MTUS1: variants seen among roughly 807,000 people sequenced by gnomAD.
MTUS1 encodes microtubule-associated tumor suppressor 1.
In MTUS1, 109 loss-of-function variants were observed where a neutral mutation model predicts 120.8. The ratio of observed to expected loss-of-function variants is 0.90; its 90% confidence interval spans 0.77 to 1.06. The LOEUF (loss-of-function observed/expected upper bound fraction) is 1.06. Ranked by LOEUF, MTUS1 falls within the 50% of genes least tolerant of loss-of-function variation. The probability of loss-of-function intolerance (pLI) is 0.00; values close to 1 mark genes in which losing one functional copy is unlikely to be tolerated. For missense variants in MTUS1, 2,210 were observed against 1,486.3 expected (o/e 1.49, Z -8.01); for synonymous variants, 737 against 550.5 (o/e 1.34, Z -4.74).
chr8:17,666,692 G>A (rs187364447), intron 8 of MTUS1, among the ~76,000 whole-genome samples: 95 of 152,226 alleles, frequency 6.2e-4, no homozygotes, highest in Non-Finnish European at 1.3e-3. Flanking sequence ...AAGAAAAACT[G>A]GTCTCCTGTT....
chr8:17,647,760 C>A (rs1279480623), intron 13 of MTUS1, among the ~76,000 whole-genome samples: 1 of 152,162 alleles, frequency 6.6e-6, no homozygotes, highest in East Asian at 1.9e-4. Context: ...GGATAAGATG[C>A]CTGAGGACAT....
At chr8:17,748,537 C>T (rs534553631) in intron 2 of MTUS1, among the ~76,000 whole-genome samples, 5 of 152,294 alleles carry the variant, frequency 3.3e-5, no homozygotes, top group African/African-American at 1.2e-4. Context: ...GCTGATGACA[C>T]ACCGGTGTCC....
intron 13 of MTUS1, among the ~76,000 whole-genome samples, chr8:17,648,968 C>T (rs1006974826): frequency 6.6e-5 from 10 of 152,254 alleles, no homozygotes; most frequent in Non-Finnish European, 1.3e-4. Flanking sequence ...CCAAGACTGA[C>T]GCTGAACACT....
intron 1 of MTUS1, among the ~76,000 whole-genome samples, chr8:17,757,907 G>C (rs1367544178): frequency 1.3e-5 from 2 of 152,170 alleles, no homozygotes; most frequent in African/African-American, 4.8e-5. Context: ...TTCAAGCTAG[G>C]ACTGCAAACA....
chr8:17,793,145 G>C (rs572108086), intron 1 of MTUS1, among the ~76,000 whole-genome samples: 2 of 152,190 alleles, frequency 1.3e-5, no homozygotes, highest in Non-Finnish European at 2.9e-5. Flanking sequence ...TTGTCTGCAC[G>C]AATAGGGAAT....
chr8:17,665,068 T>C (rs998103571), intron 8 of MTUS1, among the ~76,000 whole-genome samples: 10 of 152,234 alleles, frequency 6.6e-5, no homozygotes, highest in African/African-American at 1.7e-4. Context: ...GTTACTCTTA[T>C]GCTTTGTAGA....
chr8:17,691,139 C>T (rs1816862711), intron 6 of MTUS1, among the ~76,000 whole-genome samples: 1 of 152,166 alleles, frequency 6.6e-6, no homozygotes, highest in South Asian at 2.1e-4. Context: ...ATTCTGAATG[C>T]AACTCTAAAC....
intron 8 of MTUS1, among the ~76,000 whole-genome samples, chr8:17,673,386 T>C (rs1812418070): frequency 6.6e-6 from 1 of 152,168 alleles, no homozygotes; most frequent in Non-Finnish European, 1.5e-5. Flanking sequence ...CTTGGCTAGG[T>C]ATTAAGAATC....
chr8:17,649,885 C>T lies in MTUS1; in HGVS notation c.3462G>A (p.Leu1154=), dbSNP rs777144560. 6.2e-7 allele frequency: 1 copy of T among 1,607,948 alleles called. No individual in the cohort carries two copies. The highest frequency in any genetic ancestry group is 1.1e-5 in the South Asian group (1 of 90,936). Residue 1154 remains leucine (L), a synonymous_variant, in exon 13 of 15, where the codon CTG becomes CTA. Coordinates refer to ENST00000693296, the MANE Select transcript of MTUS1 (RefSeq NM_001363059.2). ...KAVLEIKNEK[L]HQQDIKLMKM... ...TCATTAACTTGATGTCCTGTTGATGCAGTTTCTCATTCTTGATCTCTAACA... is the reference window on the plus strand; with the variant it reads ...TCATTAACTTGATGTCCTGTTGATGTAGTTTCTCATTCTTGATCTCTAACA...
chr8:17,709,138 A>G (rs1001229402), intron 6 of MTUS1, among the ~76,000 whole-genome samples: 42 of 149,150 alleles, frequency 2.8e-4, no homozygotes, highest in African/African-American at 8.8e-4. Flanking sequence ...CTCTGCCTCA[A>G]AAAAAAAAAA....
At chr8:17,651,392 C>G (rs1806957629) in intron 12 of MTUS1, among the ~76,000 whole-genome samples, 1 of 152,092 alleles carries the variant, frequency 6.6e-6, no homozygotes, top group Admixed American at 6.6e-5. Context: ...GACGGATACC[C>G]TAAATACCCT....
chr8:17,697,199 G>A (rs555465434), intron 6 of MTUS1: 3 of 1,519,268 alleles, frequency 2.0e-6, no homozygotes, highest in East Asian at 2.3e-5. Context: ...ATAAACATCT[G>A]CAAATTAATG....
chr8:17,713,374 G>C (rs1185494513), intron 5 of MTUS1, 122 bp from the exon 6 acceptor site: 7 of 636,650 alleles, frequency 1.1e-5, no homozygotes, highest in Non-Finnish European at 1.4e-5. Flanking sequence ...GGTTCCCGGT[G>C]GGAAATATCA....
chr8:17,647,163 C>T (rs2129991413), intron 13 of MTUS1, 84 bp from the exon 14 acceptor site: 3 of 993,476 alleles, frequency 3.0e-6, no homozygotes, highest in African/African-American at 3.3e-5. Context: ...GACACAAGCA[C>T]ACTTTGGAGA....
chr8:17,687,364 C>T (rs1053243775), intron 6 of MTUS1, among the ~76,000 whole-genome samples: 1 of 151,890 alleles, frequency 6.6e-6, no homozygotes, highest in Admixed American at 6.5e-5. Flanking sequence ...ACGCTCAAAA[C>T]CCCAAGGCTC....
intron 1 of MTUS1, among the ~76,000 whole-genome samples, chr8:17,777,528 C>G (rs562857491): frequency 6.6e-6 from 1 of 151,998 alleles, no homozygotes; most frequent in African/African-American, 2.4e-5. Context: ...TGTGCATCAG[C>G]CACCTTCTCC....
chr8:17,686,975 T>A (rs903604641), intron 6 of MTUS1, among the ~76,000 whole-genome samples: 1 of 152,210 alleles, frequency 6.6e-6, no homozygotes, highest in African/African-American at 2.4e-5. Context: ...ACATTTTTTA[T>A]ATAATACTTA....
chr8:17,722,117 C>A, intron 4 of MTUS1: 1 of 1,274,202 alleles, frequency 7.8e-7, no homozygotes, highest in Non-Finnish European at 9.9e-7. Flanking sequence ...AACACATCGC[C>A]ACTAGACAGG....
At chr8:17,782,993 G>C (rs528717939) in intron 1 of MTUS1, among the ~76,000 whole-genome samples, 1 of 152,154 alleles carries the variant, frequency 6.6e-6, no homozygotes, top group Admixed American at 6.5e-5. Context: ...CAGGAGAATC[G>C]CTTAAACCTG....
Sources: gnomAD v4.1 joint callset for allele counts (sites outside exome capture counted in the v4.1 genomes callset) on GRCh38, gnomAD v4.1.1 for gene constraint, MANE v1.5 for transcripts, NCBI Gene and HGNC (gene_info 2026-07-23, HGNC 2026-07-21) for gene names.